Variants in ADAMTS3 observed in about 807,000 individuals in gnomAD.
ADAMTS3 encodes the protein A disintegrin and metalloproteinase with thrombospondin motifs 3.
ADAMTS3 carries 73 observed loss-of-function variants against 129.0 expected under a neutral mutation model. The ratio of observed to expected loss-of-function variants is 0.57; its 90% CI spans 0.47 to 0.69. The LOEUF is 0.69. Among genes scored for constraint, ADAMTS3 ranks in the 30% least tolerant of loss-of-function variants. ADAMTS3 has a pLI of 0.00. For synonymous variants in ADAMTS3, 477 were observed against 510.8 expected (o/e 0.93, Z 0.89); for missense variants, 1,457 against 1,514.5 (o/e 0.96, Z 0.63).
In ADAMTS3 at chr4:72,318,578, G is replaced by T. The variant is rs150704470; in HGVS notation, c.1479C>A (p.Cys493Ter). ...TCAACTGTGAGCAACATACCGCGGTGCACATTTTATAGCCAACACCAAAAT... is the reference window on the plus strand; with the variant it reads ...TCAACTGTGAGCAACATACCGCGGTTCACATTTTATAGCCAACACCAAAAT... ...RFDFGVGYKM[C>*]TAFRTFDPCK... The change falls in exon 10 of 22, where the codon TGC becomes TGA. Residue 493 changes from cysteine (C) to a stop codon, truncating the protein, a stop_gained. Coordinates refer to ENST00000286657, the MANE Select transcript of ADAMTS3 (RefSeq NM_014243.3). LOFTEE classifies it high-confidence loss of function. The T allele has an allele frequency of 6.2e-7, 1 of 1,613,506 alleles. No homozygotes were observed. The highest frequency in any genetic ancestry group is 8.5e-7 in the Non-Finnish European group (1 of 1,179,806).
At chr4:72,481,820 T>C (rs1560533050) in intron 3 of ADAMTS3, among the ~76,000 whole-genome samples, 1 of 152,074 alleles carries the variant, frequency 6.6e-6, no homozygotes, top group Non-Finnish European at 1.5e-5. Flanking sequence ...GCTCAAAATG[T>C]AAATTTAAAA....
At chr4:72,439,040 T>A (rs1310997063) in intron 3 of ADAMTS3, among the ~76,000 whole-genome samples, 1 of 151,714 alleles carries the variant, frequency 6.6e-6, no homozygotes, top group African/African-American at 2.4e-5. Flanking sequence ...CGAAATCTTC[T>A]CAGTAGCATA....
chr4:72,514,557 C>T (rs28391186), intron 3 of ADAMTS3, among the ~76,000 whole-genome samples: 7,410 of 152,192 alleles, frequency 0.049, 596 homozygotes, highest in African/African-American at 0.17. Context: ...CTTCTCTGAG[C>T]TCACTCAGCC....
intron 5 of ADAMTS3, among the ~76,000 whole-genome samples, chr4:72,329,669 TC>T (rs1719793832): frequency 6.6e-6 from 1 of 151,740 alleles, no homozygotes; most frequent in Non-Finnish European, 1.5e-5. Context: ...ACTCCAAAAA[TC>T]CCCTCCATGC....
At chr4:72,537,998 A>G (rs942015274) in intron 3 of ADAMTS3, among the ~76,000 whole-genome samples, 2 of 152,210 alleles carry the variant, frequency 1.3e-5, no homozygotes, top group African/African-American at 2.4e-5. Flanking sequence ...AACTAACTGT[A>G]CTGGAAAATT....
chr4:72,550,730 G>A (rs897259847), intron 2 of ADAMTS3, among the ~76,000 whole-genome samples: 9 of 86,570 alleles, frequency 1.0e-4, no homozygotes, highest in African/African-American at 2.8e-4. Context: ...ATAAACTCTG[G>A]TTTAGAGAGA....
At chr4:72,337,011 C>A (rs1457327372) in intron 5 of ADAMTS3, among the ~76,000 whole-genome samples, 4 of 152,102 alleles carry the variant, frequency 2.6e-5, no homozygotes, top group Admixed American at 6.6e-5. Flanking sequence ...ATTGTATGTG[C>A]AATTCAGGTC....
intron 12 of ADAMTS3, 41 bp downstream of exon 12, chr4:72,313,636 G>A (rs751289774): frequency 1.3e-6 from 2 of 1,598,354 alleles, no homozygotes; most frequent in East Asian, 2.3e-5. Flanking sequence ...AGTATTTTCT[G>A]GTCTCTCCAA....
At chr4:72,320,632 C>T in intron 7 of ADAMTS3, 82 bp downstream of exon 7, 1 of 1,439,584 alleles carries the variant, frequency 6.9e-7, no homozygotes, top group South Asian at 1.3e-5. Flanking sequence ...GAGAGCAGAA[C>T]ATTTGAACAG....
At chr4:72,424,377 A>G (rs1426191905) in intron 3 of ADAMTS3, among the ~76,000 whole-genome samples, 3 of 152,074 alleles carry the variant, frequency 2.0e-5, no homozygotes, top group Non-Finnish European at 4.4e-5. Flanking sequence ...CCTGGTTCTT[A>G]TCAAAATACA....
intron 5 of ADAMTS3, chr4:72,323,324 A>T: frequency 2.0e-6 from 1 of 504,040 alleles, no homozygotes; most frequent in Admixed American, 3.1e-5. Flanking sequence ...AACGTACAGG[A>T]CATGCTCAAA....
At chr4:72,290,055 G>A (rs1718616090) in intron 20 of ADAMTS3, among the ~76,000 whole-genome samples, 2 of 152,050 alleles carry the variant, frequency 1.3e-5, no homozygotes, top group African/African-American at 4.8e-5. Flanking sequence ...ATGACCCCAA[G>A]ATTTCTTATT....
chr4:72,455,872 G>A (rs1211981907), intron 3 of ADAMTS3, among the ~76,000 whole-genome samples: 17 of 96,358 alleles, frequency 1.8e-4, no homozygotes, highest in South Asian at 6.2e-4. Flanking sequence ...TATATACACT[G>A]TATATACTAT....
Position 72,319,337 on chromosome 4 carries a change from A to G in ADAMTS3, c.1347T>C (p.Tyr449=), listed in dbSNP as rs35584754. Residue 449 remains tyrosine (Y), a synonymous_variant, in exon 9 of 22, where the codon TAT becomes TAC. Coordinates refer to ENST00000286657, the MANE Select transcript of ADAMTS3 (RefSeq NM_014243.3). ...SRCSGQELKR[Y]IHSYDCLLDD... ...ACATGCAGCAGGGGACATACTGGATATATCTTTTCAGTTCTTGACCACTGC... is the reference window on the plus strand; with the variant it reads ...ACATGCAGCAGGGGACATACTGGATGTATCTTTTCAGTTCTTGACCACTGC... 2.5e-3 allele frequency: 3,984 copies of G among 1,613,928 alleles called. 9 individuals are homozygous for G. Among genetic ancestry groups the G allele is most frequent in the South Asian group, 3.9e-3 (357 of 91,072 alleles).
At chr4:72,364,005 TG>T (rs1475182162) in intron 4 of ADAMTS3, among the ~76,000 whole-genome samples, 1 of 152,146 alleles carries the variant, frequency 6.6e-6, no homozygotes, top group Non-Finnish European at 1.5e-5. Flanking sequence ...ATGAAAATGA[TG>T]GCTACCCTTT....
chr4:72,397,562 TACACACACAC>T (rs35076637), intron 4 of ADAMTS3, among the ~76,000 whole-genome samples: 16 of 147,476 alleles, frequency 1.1e-4, no homozygotes, highest in Admixed American at 4.1e-4. Flanking sequence ...GAGACTCTAT[TACACACACAC>T]ACACACACAC....
intron 3 of ADAMTS3, among the ~76,000 whole-genome samples, chr4:72,452,755 G>T (rs1327520332): frequency 1.3e-5 from 2 of 151,642 alleles, no homozygotes; most frequent in Non-Finnish European, 3.0e-5. Context: ...AGGTTCCCTG[G>T]GCTTTGGTAC....
intron 4 of ADAMTS3, among the ~76,000 whole-genome samples, chr4:72,376,558 C>A (rs533359665): frequency 9.9e-5 from 15 of 152,244 alleles, no homozygotes; most frequent in African/African-American, 3.6e-4. Flanking sequence ...TTTGAAGCAC[C>A]TGGGGAGCTT....
intron 3 of ADAMTS3, among the ~76,000 whole-genome samples, chr4:72,461,647 A>C (rs1377375815): frequency 6.6e-6 from 1 of 151,782 alleles, no homozygotes; most frequent in Non-Finnish European, 1.5e-5. Context: ...CTGAACTGAT[A>C]CTCTTAACAC....
Sources: gnomAD v4.1 joint callset for allele counts (sites outside exome capture counted in the v4.1 genomes callset) on GRCh38, gnomAD v4.1.1 for gene constraint, MANE v1.5 for transcripts, NCBI Gene and HGNC (gene_info 2026-07-23, HGNC 2026-07-21) for gene names.